The following HMCN1 variants were observed in gnomAD, a reference collection of about 807,000 sequenced individuals.
HMCN1 encodes the protein hemicentin-1.
In HMCN1, 321 loss-of-function variants were observed where a neutral mutation model predicts 625.9. The ratio of observed to expected loss-of-function variants is 0.51; its 90% CI spans 0.47 to 0.56. HMCN1 has a LOEUF of 0.56. Among genes scored for constraint, HMCN1 ranks in the 20% least tolerant of loss-of-function variants. The probability of loss-of-function intolerance (pLI) is 0.00; values close to 1 mark genes in which losing one functional copy is unlikely to be tolerated. For synonymous variants in HMCN1, 2,425 were observed against 2,417.6 expected (o/e 1.00, Z -0.09); for missense variants, 6,588 against 6,887.3 (o/e 0.96, Z 1.54).
intron 30 of HMCN1, among the ~76,000 whole-genome samples, chr1:186,008,004 A>C (rs1287373601): frequency 1.3e-5 from 2 of 152,112 alleles, no homozygotes; most frequent in African/African-American, 2.4e-5. Context: ...CACCTCTTAG[A>C]ATGTCACCTT....
At chr1:185,814,212 G>T (rs1659704787) in intron 1 of HMCN1, among the ~76,000 whole-genome samples, 1 of 152,068 alleles carries the variant, frequency 6.6e-6, no homozygotes, top group Admixed American at 6.6e-5. Flanking sequence ...AACAATAGTT[G>T]TACAGGCCAC....
intron 81 of HMCN1, among the ~76,000 whole-genome samples, chr1:186,124,338 A>C (rs1340576698): frequency 6.6e-6 from 1 of 152,076 alleles, no homozygotes; most frequent in African/African-American, 2.4e-5. Flanking sequence ...AAGACATGAC[A>C]TATCAAAATG....
rs765450462 is a variant in HMCN1, at chr1:186,045,714, C to G, written c.6331C>G (p.Gln2111Glu). Residue 2111 changes from glutamine (Q) to glutamate (E), a missense_variant, in exon 41 of 107, where the codon CAG (glutamine) becomes GAG (glutamate). This residue lies in a region of HMCN1 where 4,628 missense variants were observed against 4,853.1 expected (regional missense o/e 0.95). Transcript: ENST00000271588. ...YVPPNIMGEE[Q>E]NVSVLISQAV... ...TCCGCCAAATATTATGGGAGAAGAACAGAATGTCTCTGTCCTCATTAGCCA... is the reference window on the plus strand; with the variant it reads ...TCCGCCAAATATTATGGGAGAAGAAGAGAATGTCTCTGTCCTCATTAGCCA... The G allele has an allele frequency of 5.0e-6, 8 of 1,613,228 alleles. No individual in the cohort carries two copies. In the African/African-American group the frequency reaches 1.1e-4, roughly 22 times the overall value.
chr1:185,982,326 G>T lies in HMCN1; in HGVS notation c.2727G>T (p.Leu909Phe), dbSNP rs775972475. 1.2e-6 allele frequency: 2 copies of T among 1,613,228 alleles called. No individual in the cohort carries two copies. The highest frequency in any genetic ancestry group is 1.7e-6 in the Non-Finnish European group (2 of 1,179,284). ...ANVIEGQQLT[L>F]PCTLLAGNPI... is the part of the protein sequence containing the mutation. ...TTATTGAAGGACAGCAGCTTACTTT[G>T]CCCTGTACTCTGTTAGCTGGAAATC... Residue 909 changes from leucine to phenylalanine, a missense_variant, in exon 18 of 107, where the codon TTG becomes TTT. By Grantham distance (22) the Leu-to-Phe change is conservative. Coordinates refer to ENST00000271588, the MANE Select transcript of HMCN1 (RefSeq NM_031935.3).
intron 1 of HMCN1, among the ~76,000 whole-genome samples, chr1:185,795,177 A>T (rs1285491969): frequency 6.6e-6 from 1 of 152,176 alleles, no homozygotes; most frequent in African/African-American, 2.4e-5. Flanking sequence ...GTCATAGTCG[A>T]GCTTGTGAAA....
intron 68 of HMCN1, among the ~76,000 whole-genome samples, chr1:186,096,759 T>C (rs1660157380): frequency 6.6e-6 from 1 of 152,128 alleles, no homozygotes; most frequent in South Asian, 2.1e-4. Context: ...TCAATAAATG[T>C]GATACATCAC....
chr1:186,116,512 G>A lies in HMCN1; in HGVS notation c.11562-482G>A, dbSNP rs151265150. Reference sequence around the variant, plus strand: ...TAAGGAGACATGCAAAGTACATAAAGGGGTGAGACACACAGACTTGTCATT... The same window carrying A: ...TAAGGAGACATGCAAAGTACATAAAAGGGTGAGACACACAGACTTGTCATT... On this transcript the variant is annotated intron_variant, in intron 75 of 106. Transcript: ENST00000271588. 5.9e-3 allele frequency among the ~76,000 whole-genome samples: 900 copies of A among 151,946 alleles called. 3 individuals carry two copies. Among genetic ancestry groups the A allele is most frequent in the Non-Finnish European group, 9.2e-3 (627 of 67,908 alleles).
intron 1 of HMCN1, among the ~76,000 whole-genome samples, chr1:185,747,316 C>T (rs559316528): frequency 6.6e-6 from 1 of 151,624 alleles, no homozygotes; most frequent in African/African-American, 2.4e-5. Flanking sequence ...TGTTAAAAAC[C>T]TGTTACTTTT....
intron 101 of HMCN1, among the ~76,000 whole-genome samples, 159 bp downstream of exon 101, chr1:186,171,609 G>A (rs2102635961): frequency 8.0e-6 from 1 of 124,352 alleles, no homozygotes; most frequent in African/African-American, 3.4e-5. Context: ...GACAAAAAAT[G>A]CTGTTTTATG....
Position 186,003,853 on chromosome 1 carries a change from C to A in HMCN1, c.4475+9C>A, listed in dbSNP as rs111694556. 752 of 1,612,686 alleles carry A rather than the reference C, an allele frequency of 4.7e-4. 1 individual carries two copies. In the African/African-American group the frequency reaches 7.5e-3, roughly 16 times the overall value. On this transcript the variant is annotated intron_variant, in intron 29 of 106. Transcript: ENST00000271588. ...TGGTTCAAAGATGGCAAGTGAGTAT[C>A]TTTTCTGTATTTGTTGCAAGGTTTC...
intron 36 of HMCN1, among the ~76,000 whole-genome samples, chr1:186,029,047 T>C (rs1457422930): frequency 6.6e-6 from 1 of 152,042 alleles, no homozygotes; most frequent in Non-Finnish European, 1.5e-5. Context: ...AAAGCATATG[T>C]TTTATATGGA....
chr1:186,132,303 G>T, intron 85 of HMCN1, 25 bp from the exon 86 acceptor site: 1 of 1,585,868 alleles, frequency 6.3e-7, no homozygotes, highest in Non-Finnish European at 8.6e-7. Context: ...TCATATTTTT[G>T]TAAAAACGCT....
At chr1:185,949,962 A>G (rs1325011749) in intron 11 of HMCN1, among the ~76,000 whole-genome samples, 20 of 150,544 alleles carry the variant, frequency 1.3e-4, no homozygotes, top group African/African-American at 3.7e-4. Context: ...GAGAGGTTCT[A>G]AGAGGCGGGC....
At chr1:186,045,656 T>C in intron 40 of HMCN1, 32 bp from the exon 41 acceptor site, 1 of 1,573,286 alleles carries the variant, frequency 6.4e-7, no homozygotes, top group South Asian at 1.1e-5. Context: ...CTGGCCTGTT[T>C]TATCCTGAAA....
Position 185,925,184 on chromosome 1 carries a change from T to A in HMCN1, c.1423T>A (p.Tyr475Asn). The stretch of plus-strand genomic sequence containing the variant: ...TGGAGTTACACTTGGAGTAGACCAG[T>A]ATTTGAAGTAGGTACATGTTTCTGT... ...RNGVTLGVDQ[Y>N]LKESASVNLD... is the part of the protein sequence containing the mutation. The change falls in exon 9 of 107, where the codon TAT becomes AAT. Residue 475 changes from tyrosine to asparagine, a missense_variant. Tyr to Asn is a moderately radical substitution (Grantham distance 143, BLOSUM62 -2). This residue lies in a region of HMCN1 where 4,628 missense variants were observed against 4,853.1 expected (regional missense o/e 0.95). Transcript: ENST00000271588. The A allele has an allele frequency of 6.2e-7, 1 of 1,613,252 alleles. No homozygotes were observed. Among genetic ancestry groups the A allele is most frequent in the Non-Finnish European group, 8.5e-7 (1 of 1,179,198 alleles).
At chr1:186,022,764 T>C (rs962338862) in intron 35 of HMCN1, among the ~76,000 whole-genome samples, 1 of 152,162 alleles carries the variant, frequency 6.6e-6, no homozygotes, top group Non-Finnish European at 1.5e-5. Flanking sequence ...AAGTCTTTTA[T>C]TCAGTATGAC....
intron 2 of HMCN1, among the ~76,000 whole-genome samples, chr1:185,846,918 A>G (rs1362002377): frequency 6.6e-6 from 1 of 152,128 alleles, no homozygotes; most frequent in East Asian, 1.9e-4. Context: ...ATCTATTTCC[A>G]CAAACATCCC....
At position 186,120,146 on chromosome 1, in the gene HMCN1, G is replaced by A. The variant is rs964050617; in HGVS notation, c.12229+1G>A. On this transcript the variant is annotated splice_donor_variant, in intron 80 of 106. Transcript: ENST00000271588. LOFTEE classifies it high-confidence loss of function. ...GGCAAAATCAAGTTAAATGTCCAAG[G>A]TACCTAAATAATTCATCTCTGTTTT... is the stretch of plus-strand genomic sequence containing the variant. The A allele has an allele frequency of 5.6e-6, 9 of 1,613,626 alleles. No homozygotes were observed. Among genetic ancestry groups the A allele is most frequent in the Non-Finnish European group, 7.6e-6 (9 of 1,179,744 alleles).
intron 89 of HMCN1, among the ~76,000 whole-genome samples, chr1:186,141,683 A>G (rs1649973445): frequency 6.6e-6 from 1 of 152,226 alleles, no homozygotes; most frequent in South Asian, 2.1e-4. Flanking sequence ...TGTAGGATTT[A>G]CTATGTGTCC....
Sources: gnomAD v4.1 joint callset for allele counts (sites outside exome capture counted in the v4.1 genomes callset) on GRCh38, gnomAD v4.1.1 for gene constraint, gnomAD v4.1.1 regional missense constraint, MANE v1.5 for transcripts, NCBI Gene and HGNC (gene_info 2026-07-23, HGNC 2026-07-21) for gene names.